ATP2B4: variants seen among roughly 807,000 people sequenced by gnomAD.
ATP2B4 encodes the protein plasma membrane calcium-transporting ATPase 4.
A neutral mutation model predicts 110.3 loss-of-function variants in ATP2B4; 39 were observed. The observed-to-expected ratio is 0.35, with a 90% CI of 0.27 to 0.46. The LOEUF (loss-of-function observed/expected upper bound fraction) is 0.46. Among genes scored for constraint, ATP2B4 ranks in the 20% least tolerant of loss-of-function variants. ATP2B4 has a pLI of 1.00. For missense variants in ATP2B4, 1,135 were observed against 1,530.9 expected (o/e 0.74, Z 4.32); for synonymous variants, 538 against 571.7 (o/e 0.94, Z 0.84).
intron 7 of ATP2B4, among the ~76,000 whole-genome samples, chr1:203,702,421 G>C (rs1441652267): frequency 6.6e-6 from 1 of 152,158 alleles, no homozygotes; most frequent in Admixed American, 6.5e-5. Flanking sequence ...CAGTTTCTGG[G>C]TTGGAAGACT....
intron 1 of ATP2B4, among the ~76,000 whole-genome samples, chr1:203,638,547 G>C (rs1434779355): frequency 6.6e-6 from 1 of 152,172 alleles, no homozygotes; most frequent in Non-Finnish European, 1.5e-5. Context: ...TACTGAGACA[G>C]AGCATTTGAG....
chr1:203,733,251 G>C, intron 20 of ATP2B4: 3 of 1,613,192 alleles, frequency 1.9e-6, no homozygotes, highest in Non-Finnish European at 1.7e-6. Context: ...TTCCAGACGG[G>C]AGCCTCTTTT....
At chr1:203,645,876 A>T (rs1355430162) in intron 1 of ATP2B4, among the ~76,000 whole-genome samples, 1 of 152,162 alleles carries the variant, frequency 6.6e-6, no homozygotes, top group African/African-American at 2.4e-5. Flanking sequence ...GGCGTGAGCC[A>T]CCGTGCCCGG....
At chr1:203,713,981 G>A (rs1381280760) in intron 14 of ATP2B4, among the ~76,000 whole-genome samples, 190 bp from the exon 15 acceptor site, 2 of 152,102 alleles carry the variant, frequency 1.3e-5, no homozygotes, top group Admixed American at 6.5e-5. Flanking sequence ...GCTGTCTTAG[G>A]GTACCGGATG....
At chr1:203,702,243 T>C (rs1267193251) in intron 7 of ATP2B4, among the ~76,000 whole-genome samples, 164 bp downstream of exon 7, 1 of 152,174 alleles carries the variant, frequency 6.6e-6, no homozygotes, top group East Asian at 1.9e-4. Flanking sequence ...TGGGGTGGTC[T>C]CAAGGTCCTG....
intron 2 of ATP2B4, among the ~76,000 whole-genome samples, chr1:203,692,054 G>A (rs994364553): frequency 8.6e-5 from 13 of 150,714 alleles, no homozygotes; most frequent in Non-Finnish European, 1.5e-4. Context: ...GCTAATTTTT[G>A]TATTTTTAGT....
chr1:203,724,867 G>GT (rs1031319768), intron 19 of ATP2B4, among the ~76,000 whole-genome samples: 2,330 of 78,332 alleles, frequency 0.03, 126 homozygotes, highest in Non-Finnish European at 0.039. Flanking sequence ...CCAGCTCTCT[G>GT]TTTTTTTTTT....
intron 1 of ATP2B4, among the ~76,000 whole-genome samples, chr1:203,658,032 T>A (rs1664218591): frequency 6.6e-6 from 1 of 152,112 alleles, no homozygotes; most frequent in African/African-American, 2.4e-5. Context: ...TATATTTTAA[T>A]TAAGGTAGTC....
intron 1 of ATP2B4, among the ~76,000 whole-genome samples, chr1:203,653,933 C>G (rs550109982): frequency 6.7e-6 from 1 of 149,284 alleles, no homozygotes; most frequent in African/African-American, 2.5e-5. Flanking sequence ...TGGATGACAG[C>G]TCATCTATTT....
At chr1:203,657,419 T>C in intron 1 of ATP2B4, 1 of 768,540 alleles carries the variant, frequency 1.3e-6, no homozygotes, top group Non-Finnish European at 2.4e-6. Flanking sequence ...TCTCTTTTCA[T>C]TTCTGTTTAA....
At chr1:203,733,798 C>T (rs1007871658) in intron 20 of ATP2B4, among the ~76,000 whole-genome samples, 1 of 152,118 alleles carries the variant, frequency 6.6e-6, no homozygotes, top group Non-Finnish European at 1.5e-5. Flanking sequence ...ACCTCCTAAG[C>T]TTAGATGTGA....
intron 1 of ATP2B4, among the ~76,000 whole-genome samples, chr1:203,627,887 T>A (rs376778682): frequency 1.3e-4 from 20 of 152,130 alleles, no homozygotes; most frequent in African/African-American, 4.3e-4. Flanking sequence ...CCTCAGACTT[T>A]CACATGTATA....
chr1:203,681,064 T>C (rs900722097), intron 1 of ATP2B4, among the ~76,000 whole-genome samples: 1 of 152,234 alleles, frequency 6.6e-6, no homozygotes, highest in African/African-American at 2.4e-5. Context: ...CCAGTCTGAA[T>C]GAAGGGAGTT....
chr1:203,723,420 ATCTCTCTC>A lies in ATP2B4; in HGVS notation c.3025-428_3025-421del, dbSNP rs34964110. Among the ~76,000 whole-genome samples, 370 of 44,568 alleles carry A rather than the reference ATCTCTCTC, an allele frequency of 8.3e-3. 2 individuals are homozygous for A. The highest frequency in any genetic ancestry group is 0.026 in the Middle Eastern group (1 of 38). The allele number at this position is 44,568 out of a possible 152,430, so 29.2% of individuals were successfully genotyped here. On this transcript the variant is annotated intron_variant, in intron 18 of 20. Coordinates refer to ENST00000357681, the MANE Select transcript of ATP2B4 (RefSeq NM_001684.5). ...TTTTTTTTTTTCGTTTGAGACAGAT[ATCTCTCTC>A]TCTCTCTCTCTCTCTCTCTCTCTCT...
intron 1 of ATP2B4, among the ~76,000 whole-genome samples, chr1:203,639,195 TGGG>T (rs1268260745): frequency 6.6e-6 from 1 of 152,220 alleles, no homozygotes; most frequent in Non-Finnish European, 1.5e-5. Context: ...AGCTCTGATT[TGGG>T]ATCTAAGAGT....
intron 1 of ATP2B4, among the ~76,000 whole-genome samples, chr1:203,649,099 A>C (rs1663898878): frequency 6.6e-6 from 1 of 151,974 alleles, no homozygotes; most frequent in African/African-American, 2.4e-5. Context: ...ATTTATGGAG[A>C]TTTTTGCATG....
intron 2 of ATP2B4, among the ~76,000 whole-genome samples, chr1:203,684,228 T>A (rs1247398030): frequency 1.3e-5 from 2 of 152,106 alleles, no homozygotes; most frequent in African/African-American, 2.4e-5. Flanking sequence ...AGAAATGGGA[T>A]GATAGGCCAA....
rs187667728 is a variant in ATP2B4 at position 203,685,928 on chromosome 1, T to C, written c.193+2530T>C. ...GAACATGGGTGCCTATGGAGTGCAA[T>C]GTTTTGTCCTATCTGGAGAGGTTAC... is the stretch of plus-strand genomic sequence containing the variant. On this transcript the variant is annotated intron_variant, in intron 2 of 20. Transcript: ENST00000357681. 2.7e-3 allele frequency among the ~76,000 whole-genome samples: 405 copies of C among 152,224 alleles called. 2 individuals are homozygous for C. The highest frequency in any genetic ancestry group is 3.6e-3 in the Non-Finnish European group (248 of 68,008).
chr1:203,636,541 G>C (rs971460617), intron 1 of ATP2B4, among the ~76,000 whole-genome samples: 1 of 152,150 alleles, frequency 6.6e-6, no homozygotes, highest in Non-Finnish European at 1.5e-5. Context: ...GAAAGAGCGG[G>C]AGCCAGGAAG....
Sources: gnomAD v4.1 joint callset for allele counts (sites outside exome capture counted in the v4.1 genomes callset) on GRCh38, gnomAD v4.1.1 for gene constraint, MANE v1.5 for transcripts, NCBI Gene and HGNC (gene_info 2026-07-23, HGNC 2026-07-21) for gene names.